The following ZCCHC9 variants were observed in gnomAD, a reference collection of about 807,000 sequenced individuals.
ZCCHC9 encodes zinc finger CCHC domain-containing protein 9.
In ZCCHC9, 18 loss-of-function variants were observed where a neutral mutation model predicts 30.8. That is an observed-to-expected ratio of 0.58 (90% CI 0.40 to 0.87). ZCCHC9 has a LOEUF of 0.87. Ranked by LOEUF, ZCCHC9 falls within the 40% of genes least tolerant of loss-of-function variation. ZCCHC9 has a pLI of 0.00. For synonymous variants in ZCCHC9, 94 were observed against 106.7 expected (o/e 0.88, Z 0.73); for missense variants, 279 against 331.2 (o/e 0.84, Z 1.22).
At chr5:81,308,022 A>AAAAAAAAAAAATCTATCT (rs34237879) in intron 2 of ZCCHC9, among the ~76,000 whole-genome samples, 1 of 68,360 alleles carries the variant, frequency 1.5e-5, no homozygotes, top group African/African-American at 5.4e-5. Flanking sequence ...AAAAAAAAAA[A>AAAAAAAAAAAATCTATCT]ATCTATCTAT....
Position 81,312,723 on chromosome 5 carries a change from C to G in ZCCHC9, c.*61C>G. 7.7e-7 allele frequency: 1 copy of G among 1,298,586 alleles called. No individual in the cohort carries two copies. The highest frequency in any genetic ancestry group is 1.1e-6 in the Non-Finnish European group (1 of 903,186). The allele number at this position is 1,298,586 out of a possible 1,614,324, so 80.4% of individuals were successfully genotyped here. On this transcript the variant is annotated 3_prime_UTR_variant, in exon 6 of 6. Coordinates refer to ENST00000407610, the MANE Select transcript of ZCCHC9 (RefSeq NM_001131035.2). ...GTTACTTTCTAAACCAGGCCCGCTTCACGAGTTAGAGTTGAGCTCCCCTGT... is the reference window on the plus strand; with the variant it reads ...GTTACTTTCTAAACCAGGCCCGCTTGACGAGTTAGAGTTGAGCTCCCCTGT...
chr5:81,305,092 G>C lies in ZCCHC9; in HGVS notation c.335G>C (p.Arg112Pro). The change falls in exon 2 of 6, where the codon CGA (arginine) becomes CCA (proline). Residue 112 changes from arginine to proline, a missense_variant. By Grantham distance (103) the Arg-to-Pro change is moderately radical. Coordinates refer to ENST00000407610, the MANE Select transcript of ZCCHC9 (RefSeq NM_001131035.2). ...EIAVALKKDS[R>P]REGRRLKRQA... Reference sequence around the variant, plus strand: ...GCAGTTGCTTTAAAGAAAGACAGTCGACGGGAAGGAAGAAGATTAAAAAGA... The same window carrying C: ...GCAGTTGCTTTAAAGAAAGACAGTCCACGGGAAGGAAGAAGATTAAAAAGA... The C allele has an allele frequency of 1.2e-6, 2 of 1,606,304 alleles. No homozygotes were observed. Among genetic ancestry groups the C allele is most frequent in the South Asian group, 1.1e-5 (1 of 89,024 alleles).
chr5:81,309,140 T>C, intron 4 of ZCCHC9, 102 bp downstream of exon 4: 1 of 866,084 alleles, frequency 1.2e-6, no homozygotes, highest in South Asian at 2.1e-5. Flanking sequence ...TTGAATAAAT[T>C]GCAAAACCTT....
intron 1 of ZCCHC9, chr5:81,301,925 C>T (rs1387823144): frequency 6.6e-6 from 1 of 152,396 alleles, no homozygotes; most frequent in Non-Finnish European, 1.5e-5. Context: ...GCTTGGCTCT[C>T]CCACTTCACC....
At chr5:81,310,962 T>C (rs889220334) in intron 4 of ZCCHC9, among the ~76,000 whole-genome samples, 3 of 152,212 alleles carry the variant, frequency 2.0e-5, no homozygotes, top group Non-Finnish European at 4.4e-5. Context: ...CCATCATATC[T>C]CATTTCTTTT....
At chr5:81,303,268 C>A (rs1758010828) in intron 1 of ZCCHC9, 1 of 134,376 alleles carries the variant, frequency 7.4e-6, no homozygotes, top group Admixed American at 8.3e-5. Context: ...GTCTCGATAT[C>A]CTGACCTTGT....
intron 2 of ZCCHC9, among the ~76,000 whole-genome samples, chr5:81,307,961 C>T (rs1374049184): frequency 7.4e-6 from 1 of 135,488 alleles, no homozygotes; most frequent in Non-Finnish European, 1.5e-5. Flanking sequence ...GGCCACTGCA[C>T]TCCAGCCTGG....
At chr5:81,308,430 T>C in intron 2 of ZCCHC9, 131 bp from the exon 3 acceptor site, 1 of 1,216,324 alleles carries the variant, frequency 8.2e-7, no homozygotes, top group Non-Finnish European at 1.1e-6. Flanking sequence ...AGCTTTTTTC[T>C]ACAAATATTG....
chr5:81,311,482 G>C (rs189518458), intron 5 of ZCCHC9, among the ~76,000 whole-genome samples: 1 of 152,260 alleles, frequency 6.6e-6, no homozygotes, highest in East Asian at 1.9e-4. Context: ...AAAGTGACCA[G>C]TAAGCCTTAG....
At chr5:81,308,884 A>T in intron 3 of ZCCHC9, 62 bp from the exon 4 acceptor site, 1 of 1,467,256 alleles carries the variant, frequency 6.8e-7, no homozygotes, top group South Asian at 1.3e-5. Context: ...TTTTAAAATA[A>T]TGTTAATTTT....
At chr5:81,304,693 TTTG>T (rs1375919969) in intron 1 of ZCCHC9, 45 bp from the exon 2 acceptor site, 16 of 1,502,552 alleles carry the variant, frequency 1.1e-5, no homozygotes, top group Non-Finnish European at 1.3e-5. Context: ...TTTTGTTGTT[TTTG>T]TTGTTGATGG....
chr5:81,312,127 G>C (rs1244914237), intron 5 of ZCCHC9, among the ~76,000 whole-genome samples: 1 of 152,162 alleles, frequency 6.6e-6, no homozygotes, highest in Non-Finnish European at 1.5e-5. Flanking sequence ...TCTCCCTCCT[G>C]GGAGGATTGC....
intron 2 of ZCCHC9, among the ~76,000 whole-genome samples, chr5:81,308,022 A>AATCTATCTATCTATCTATCTATCT (rs1554049990): frequency 1.4e-3 from 95 of 68,344 alleles, no homozygotes; most frequent in South Asian, 4.5e-3. Flanking sequence ...AAAAAAAAAA[A>AATCTATCTATCTATCTATCTATCT]ATCTATCTAT....
chr5:81,311,265 A>C lies in ZCCHC9; in HGVS notation c.683A>C (p.Glu228Ala), dbSNP rs1758275855. 3.7e-6 allele frequency: 6 copies of C among 1,614,100 alleles called. No individual in the cohort carries two copies. The East Asian group carries it at 1.3e-4, about 36-fold the overall frequency. ...GAACATTTAAAGAAAGATTGCCCTG[A>C]AAGTCAGAATTCAGGTGAGATCTCT... ...SVEHLKKDCP[E>A]SQNSERMVTV... is the part of the protein sequence containing the mutation. The change falls in exon 5 of 6, where the codon GAA (glutamate) becomes GCA (alanine). Residue 228 changes from glutamate (E) to alanine (A), a missense_variant. Glu to Ala is a moderately radical substitution (Grantham distance 107). Transcript: ENST00000407610.
At chr5:81,305,427 T>C (rs1299051301) in intron 2 of ZCCHC9, among the ~76,000 whole-genome samples, 1 of 152,140 alleles carries the variant, frequency 6.6e-6, no homozygotes, top group Non-Finnish European at 1.5e-5. Context: ...ACTTAGCTAG[T>C]AGCAGAGGTG....
At chr5:81,301,765 C>G (rs953098043) in intron 1 of ZCCHC9, 67 bp downstream of exon 1, 2 of 152,604 alleles carry the variant, frequency 1.3e-5, no homozygotes, top group African/African-American at 4.8e-5. Context: ...GCGGAACTTG[C>G]GTGGGAAGCT....
chr5:81,311,130 G>C (rs528056959), intron 4 of ZCCHC9, 81 bp from the exon 5 acceptor site: 3 of 1,412,950 alleles, frequency 2.1e-6, no homozygotes, highest in Admixed American at 3.4e-5. Flanking sequence ...TGAGGATCCA[G>C]TAAGATGTGA....
At chr5:81,309,062 G>A (rs1421368644) in intron 4 of ZCCHC9, 24 bp downstream of exon 4, 5 of 1,534,510 alleles carry the variant, frequency 3.3e-6, no homozygotes, top group Non-Finnish European at 4.4e-6. Flanking sequence ...CCCTCATATA[G>A]CAGAAATGGT....
rs985559557 is a variant in ZCCHC9, at chr5:81,305,088, A to G, written c.331A>G (p.Ser111Gly). 27 of 1,607,158 alleles carry G rather than the reference A, an allele frequency of 1.7e-5. 1 individual carries two copies. In the African/African-American group the frequency reaches 3.2e-4, roughly 19 times the overall value. Reference protein sequence around the residue: ...EEIAVALKKDSRREGRRLKRQ... With the variant: ...EEIAVALKKDGRREGRRLKRQ... ...AATTGCAGTTGCTTTAAAGAAAGAC[A>G]GTCGACGGGAAGGAAGAAGATTAAA... is the stretch of plus-strand genomic sequence containing the variant. Residue 111 changes from serine (S) to glycine (G), a missense_variant, in exon 2 of 6, where the codon AGT (serine) becomes GGT (glycine). Coordinates refer to ENST00000407610, the MANE Select transcript of ZCCHC9 (RefSeq NM_001131035.2).
Sources: gnomAD v4.1 joint callset for allele counts (sites outside exome capture counted in the v4.1 genomes callset) on GRCh38, gnomAD v4.1.1 for gene constraint, MANE v1.5 for transcripts, NCBI Gene and HGNC (gene_info 2026-07-23, HGNC 2026-07-21) for gene names.